LRMDA: variants seen among roughly 807,000 people sequenced by gnomAD.
LRMDA encodes the protein leucine rich melanocyte differentiation associated, also known as leucine-rich melanocyte differentiation-associated protein.
LRMDA carries 18 observed loss-of-function variants against 29.8 expected under a neutral mutation model. The ratio of observed to expected loss-of-function variants is 0.60; its 90% CI spans 0.42 to 0.90. LRMDA has a LOEUF of 0.90. Among genes scored for constraint, LRMDA ranks in the 40% least tolerant of loss-of-function variants. The probability of loss-of-function intolerance (pLI) is 0.00; values close to 1 mark genes in which losing one functional copy is unlikely to be tolerated. For synonymous variants in LRMDA, 125 were observed against 109.4 expected (o/e 1.14, Z -0.89); for missense variants, 273 against 273.9 (o/e 1.00, Z 0.02).
At position 76,351,727 on chromosome 10, in the gene LRMDA, T is replaced by C. The variant is rs917206258; in HGVS notation, c.601+27242T>C. On this transcript the variant is annotated intron_variant, in intron 6 of 6. Transcript: ENST00000611255. ...TAGTCTGAAAAAAAAAAAAAGCCCC[T>C]GTGAGATAGGTCTTATCAGCATGTT... Among the ~76,000 whole-genome samples, 6 of 147,714 alleles carry C rather than the reference T, an allele frequency of 4.1e-5. No individual in the cohort carries two copies. The East Asian group carries it at 9.8e-4, about 24-fold the overall frequency.
chr10:76,362,015 G>A (rs552693335), intron 6 of LRMDA, among the ~76,000 whole-genome samples: 22 of 152,234 alleles, frequency 1.4e-4, no homozygotes, highest in African/African-American at 5.3e-4. Flanking sequence ...TACTTCTCCC[G>A]ACTGGCAAAT....
At chr10:76,292,315 G>T (rs1840351891) in intron 5 of LRMDA, among the ~76,000 whole-genome samples, 1 of 152,106 alleles carries the variant, frequency 6.6e-6, no homozygotes, top group South Asian at 2.1e-4. Flanking sequence ...GAAAATAAAG[G>T]CTTAGAGCCA....
chr10:76,006,611 T>C (rs1169760961), intron 2 of LRMDA, among the ~76,000 whole-genome samples: 1 of 152,142 alleles, frequency 6.6e-6, no homozygotes, highest in African/African-American at 2.4e-5. Context: ...AAAAAATCTT[T>C]AAATAGACTG....
rs115813101 is a variant in LRMDA, at chr10:76,288,335, G to A, written c.517-36066G>A. ...ATTCTACTATAAAAGACACATGCAC[G>A]TGTGTGTTCATCTCAGCACATTTCA... On this transcript the variant is annotated intron_variant, in intron 5 of 6. Transcript: ENST00000611255. Among the ~76,000 whole-genome samples the A allele has an allele frequency of 7.5e-3, 1,149 of 152,186 alleles. 11 individuals carry two copies. The highest frequency in any genetic ancestry group is 0.023 in the African/African-American group (974 of 41,550).
At chr10:75,995,682 C>A (rs949351403) in intron 2 of LRMDA, among the ~76,000 whole-genome samples, 1 of 152,222 alleles carries the variant, frequency 6.6e-6, no homozygotes, top group Admixed American at 6.5e-5. Context: ...GAGAGCCATG[C>A]TATCTCAATA....
In LRMDA at chr10:75,651,159, C is replaced by CT. The variant is rs775334926; in HGVS notation, c.131+212666dup. Among the ~76,000 whole-genome samples the CT allele has an allele frequency of 5.5e-4, 84 of 152,262 alleles. 2 individuals are homozygous for CT. Among genetic ancestry groups the CT allele is most frequent in the Non-Finnish European group, 3.2e-4 (22 of 68,020 alleles). ...ATTTTCACAGTGAGGTTTCTGTACT[C>CT]TGTGTGCTGTTATGCCAAAATGTTG... On this transcript the variant is annotated intron_variant, in intron 2 of 6. Transcript: ENST00000611255.
chr10:76,133,312 GT>G (rs1163963221), intron 5 of LRMDA, among the ~76,000 whole-genome samples: 1 of 152,006 alleles, frequency 6.6e-6, no homozygotes. Flanking sequence ...GCAGTAAGTG[GT>G]TTTTTCCTTG....
chr10:75,730,528 A>G (rs781169314), intron 2 of LRMDA, among the ~76,000 whole-genome samples: 1 of 152,184 alleles, frequency 6.6e-6, no homozygotes, highest in Non-Finnish European at 1.5e-5. Flanking sequence ...CCAGACAAAC[A>G]GGACTGCTGC....
At chr10:76,101,305 T>C (rs1175576559) in intron 5 of LRMDA, among the ~76,000 whole-genome samples, 1 of 152,344 alleles carries the variant, frequency 6.6e-6, no homozygotes, top group East Asian at 1.9e-4. Flanking sequence ...TCTTATTAGG[T>C]CCTTGGGTTT....
chr10:75,477,389 T>C (rs1441389266), intron 2 of LRMDA, among the ~76,000 whole-genome samples: 2 of 152,192 alleles, frequency 1.3e-5, no homozygotes, highest in African/African-American at 4.8e-5. Context: ...AAATTTCTTT[T>C]GGGGGATGGG....
intron 6 of LRMDA, among the ~76,000 whole-genome samples, chr10:76,528,165 T>C (rs905571370): frequency 5.9e-5 from 9 of 152,144 alleles, no homozygotes; most frequent in African/African-American, 2.2e-4. Flanking sequence ...TAGGAATCTA[T>C]TCCAAGACAA....
At chr10:76,528,990 C>T (rs748119024) in intron 6 of LRMDA, among the ~76,000 whole-genome samples, 30 of 152,146 alleles carry the variant, frequency 2.0e-4, no homozygotes, top group Non-Finnish European at 4.4e-4. Context: ...TACTGGGTAG[C>T]CGGCCTTACT....
intron 6 of LRMDA, among the ~76,000 whole-genome samples, chr10:76,530,583 G>A (rs916172489): frequency 1.3e-5 from 2 of 152,294 alleles, no homozygotes; most frequent in Middle Eastern, 3.4e-3. Context: ...CTATGATGAT[G>A]ACTGTAATGA....
At chr10:76,272,317 G>T (rs890167243) in intron 5 of LRMDA, among the ~76,000 whole-genome samples, 5 of 152,180 alleles carry the variant, frequency 3.3e-5, no homozygotes, top group Non-Finnish European at 7.3e-5. Flanking sequence ...CATGGGACTT[G>T]TATGGGGCAT....
At chr10:76,219,400 A>G (rs1414279620) in intron 5 of LRMDA, among the ~76,000 whole-genome samples, 2 of 152,196 alleles carry the variant, frequency 1.3e-5, no homozygotes, top group East Asian at 3.8e-4. Flanking sequence ...CATAGGCTCA[A>G]AATAAAAGGA....
At chr10:76,220,477 G>A (rs1851811281) in intron 5 of LRMDA, among the ~76,000 whole-genome samples, 1 of 152,132 alleles carries the variant, frequency 6.6e-6, no homozygotes, top group Non-Finnish European at 1.5e-5. Context: ...TACGATCAGA[G>A]AATACTACAA....
At chr10:75,606,032 A>AT (rs1461412035) in intron 2 of LRMDA, among the ~76,000 whole-genome samples, 1 of 150,078 alleles carries the variant, frequency 6.7e-6, no homozygotes, top group Admixed American at 6.6e-5. Flanking sequence ...TAATTTTTGT[A>AT]TTTTTTGCAG....
At chr10:75,863,071 T>C (rs780778787) in intron 2 of LRMDA, among the ~76,000 whole-genome samples, 3 of 152,190 alleles carry the variant, frequency 2.0e-5, no homozygotes, top group African/African-American at 4.8e-5. Context: ...TGTCCTACCA[T>C]ATTGATTTAT....
Position 76,500,779 on chromosome 10 carries a change from A to G in LRMDA, c.602-56430A>G, listed in dbSNP as rs111764500. Among the ~76,000 whole-genome samples the G allele has an allele frequency of 8.5e-3, 643 of 75,834 alleles. 181 individuals carry two copies. The highest frequency in any genetic ancestry group is 0.02 in the African/African-American group (610 of 31,278). The allele number at this position is 75,834 out of a possible 152,430, so 49.8% of individuals were successfully genotyped here. On this transcript the variant is annotated intron_variant, in intron 6 of 6. Transcript: ENST00000611255. Reference sequence around the variant, plus strand: ...TGGTGAATTGTCTCTTTGTATGCAAAATATAATTTTTTAATTATAAAAGAA... The same window carrying G: ...TGGTGAATTGTCTCTTTGTATGCAAGATATAATTTTTTAATTATAAAAGAA...
Sources: allele counts gnomAD v4.1 joint callset (sites outside exome capture counted in the v4.1 genomes callset), GRCh38; gene constraint gnomAD v4.1.1; transcripts MANE v1.5; gene names NCBI Gene and HGNC (gene_info 2026-07-23, HGNC 2026-07-21).